ARHGEF7: variants seen among roughly 807,000 people sequenced by gnomAD.
The protein encoded by ARHGEF7 is PAK-interacting exchange factor beta.
ARHGEF7 carries 33 observed loss-of-function variants against 109.8 expected under a neutral mutation model. That is an observed-to-expected ratio of 0.30 (90% CI 0.23 to 0.40). The LOEUF is 0.40. Among genes scored for constraint, ARHGEF7 ranks in the 10% least tolerant of loss-of-function variants. ARHGEF7 has a pLI of 1.00. For missense variants in ARHGEF7, 938 were observed against 1,098.5 expected (o/e 0.85, Z 2.07); for synonymous variants, 458 against 424.6 (o/e 1.08, Z -0.97).
chr13:111,292,179 A>T lies in ARHGEF7; in HGVS notation c.2196A>T (p.Leu732=), dbSNP rs1389070750. ...HVLADDDQPS[L]DSLGRRSSLS... is the part of the protein sequence containing the mutation. ...TGGCTGATGATGACCAACCAAGCCT[A>T]GACTCCCTGGGGCGTCGCAGTAGCC... Residue 732 remains leucine (L), a synonymous_variant, in exon 19 of 22, where the codon CTA becomes CTT. Coordinates refer to ENST00000646102, the MANE Select transcript of ARHGEF7 (RefSeq NM_001354046.2). 2 of 1,613,876 alleles carry T rather than the reference A, an allele frequency of 1.2e-6. No individual in the cohort carries two copies. Among genetic ancestry groups the T allele is most frequent in the African/African-American group, 2.7e-5 (2 of 75,030 alleles).
intron 2 of ARHGEF7, among the ~76,000 whole-genome samples, chr13:111,203,732 A>G (rs963256750): frequency 1.2e-4 from 18 of 152,180 alleles, no homozygotes; most frequent in South Asian, 4.1e-4. Flanking sequence ...ATGTTTAAAC[A>G]TCTCATGACT....
In ARHGEF7 at chr13:111,239,226, A is replaced by C. The variant is rs961760017; in HGVS notation, c.760-4646A>C. Among the ~76,000 whole-genome samples the C allele has an allele frequency of 6.6e-6, 1 of 152,236 alleles. No individual in the cohort carries two copies. Among genetic ancestry groups the C allele is most frequent in the African/African-American group, 2.4e-5 (1 of 41,468 alleles). On this transcript the variant is annotated intron_variant, in intron 6 of 21. Coordinates refer to ENST00000646102, the MANE Select transcript of ARHGEF7 (RefSeq NM_001354046.2). This position sits in a 1 kb window ranked among gnomAD's most constrained non-coding sequence, Gnocchi z 4.3. ...TCAGGGTGAGATTTGGGTGGGCCATAGAGCCAAACCATATCACTTTCCCTG... is the reference window on the plus strand; with the variant it reads ...TCAGGGTGAGATTTGGGTGGGCCATCGAGCCAAACCATATCACTTTCCCTG...
At chr13:111,221,844 A>G (rs1189509744) in intron 5 of ARHGEF7, among the ~76,000 whole-genome samples, 2 of 151,882 alleles carry the variant, frequency 1.3e-5, no homozygotes, top group South Asian at 4.1e-4. Context: ...GTATATGTGT[A>G]TATGTATACA....
At chr13:111,229,073 T>C (rs145657011) in intron 5 of ARHGEF7, among the ~76,000 whole-genome samples, 14 of 151,972 alleles carry the variant, frequency 9.2e-5, no homozygotes, top group Admixed American at 9.2e-4. Flanking sequence ...GGGAGGGCAT[T>C]GCACCTGGCT....
intron 3 of ARHGEF7, among the ~76,000 whole-genome samples, chr13:111,206,973 A>G (rs1378429003): frequency 7.1e-6 from 1 of 141,172 alleles, no homozygotes; most frequent in East Asian, 2.0e-4. Context: ...AAAAAAAAAA[A>G]AAGAAAAAGA....
rs775390445 is a variant in ARHGEF7, at chr13:111,282,679, C to T, written c.1726-460C>T. 4.2e-5 allele frequency: 7 copies of T among 167,742 alleles called. No homozygotes were observed. In the East Asian group the frequency reaches 5.4e-4, roughly 13 times the overall value. 10.4% of individuals were successfully genotyped at this position (167,742 alleles called of 1,614,324 possible). ...AACTTTTTTAAAAAACAAAACTAGGCGATCAGGCCTTAGTTTCGCCCAGTA... is the reference window on the plus strand; with the variant it reads ...AACTTTTTTAAAAAACAAAACTAGGTGATCAGGCCTTAGTTTCGCCCAGTA... On this transcript the variant is annotated intron_variant, in intron 15 of 21. Transcript: ENST00000646102.
At chr13:111,215,267 T>C (rs933932000) in intron 4 of ARHGEF7, among the ~76,000 whole-genome samples, 10 of 152,170 alleles carry the variant, frequency 6.6e-5, no homozygotes, top group African/African-American at 2.4e-4. Context: ...TTTGGTGTCC[T>C]GCGGGGCTGA....
chr13:111,257,323 C>T (rs2090548975), intron 8 of ARHGEF7, among the ~76,000 whole-genome samples: 1 of 152,186 alleles, frequency 6.6e-6, no homozygotes, highest in Non-Finnish European at 1.5e-5. Context: ...TGGTAAATGC[C>T]TTTCAATGTA....
chr13:111,177,665 G>A (rs1362332854), intron 2 of ARHGEF7, among the ~76,000 whole-genome samples: 1 of 152,208 alleles, frequency 6.6e-6, no homozygotes, highest in African/African-American at 2.4e-5. Context: ...CCTTGGGACT[G>A]TCACTGGGAA....
chr13:111,156,781 G>A (rs1335399786), intron 2 of ARHGEF7, among the ~76,000 whole-genome samples: 3 of 152,240 alleles, frequency 2.0e-5, no homozygotes, highest in Admixed American at 6.5e-5. Flanking sequence ...ATTCTGAAAG[G>A]TGGGAAATTG....
Position 111,217,783 on chromosome 13 carries a change from T to C in ARHGEF7, c.573T>C (p.His191=). 1 of 1,614,208 alleles carries C rather than the reference T, an allele frequency of 6.2e-7. No individual in the cohort carries two copies. ...CCTTCTCAAAAGGAGACGTCATCCA[T>C]GTCACCCGTGTGGAAGAGGGAGGCT... ...ELSFSKGDVI[H]VTRVEEGGWW... is the part of the protein sequence containing the mutation. The change falls in exon 5 of 22, where the codon CAT becomes CAC. Residue 191 remains histidine (H), a synonymous_variant. Coordinates refer to ENST00000646102, the MANE Select transcript of ARHGEF7 (RefSeq NM_001354046.2).
At chr13:111,288,277 T>C in intron 17 of ARHGEF7, 77 bp from the exon 18 acceptor site, 2 of 813,566 alleles carry the variant, frequency 2.5e-6, no homozygotes, top group Non-Finnish European at 3.9e-6. Flanking sequence ...CGAGTTGATG[T>C]CTGCATTGCA....
At chr13:111,175,471 G>T (rs1044603807) in intron 2 of ARHGEF7, among the ~76,000 whole-genome samples, 2 of 152,154 alleles carry the variant, frequency 1.3e-5, no homozygotes, top group African/African-American at 4.8e-5. Flanking sequence ...GTGGGGAAGG[G>T]CACCCAGGCA....
At chr13:111,230,438 GA>G (rs1462710086) in intron 5 of ARHGEF7, among the ~76,000 whole-genome samples, 1 of 152,190 alleles carries the variant, frequency 6.6e-6, no homozygotes, top group African/African-American at 2.4e-5. Context: ...GAAGCTACTA[GA>G]AGGCTTCCTA....
intron 18 of ARHGEF7, 44 bp downstream of exon 18, chr13:111,288,487 G>T: frequency 6.7e-7 from 1 of 1,498,510 alleles, no homozygotes; most frequent in Non-Finnish European, 9.2e-7. Flanking sequence ...GGTTTATTCT[G>T]TTTAGTTTCA....
intron 19 of ARHGEF7, chr13:111,294,466 A>G (rs1217602774): frequency 1.0e-6 from 1 of 985,304 alleles, no homozygotes; most frequent in African/African-American, 1.7e-5. Context: ...TATTCTATAC[A>G]CCAAAGTTTT....
At chr13:111,243,190 A>G (rs1379073638) in intron 6 of ARHGEF7, among the ~76,000 whole-genome samples, 2 of 151,984 alleles carry the variant, frequency 1.3e-5, no homozygotes, top group African/African-American at 4.8e-5. Context: ...GTTCCCAGAA[A>G]TTGATTTCAA....
intron 2 of ARHGEF7, among the ~76,000 whole-genome samples, chr13:111,188,989 T>TTAAA (rs1373396405): frequency 6.6e-6 from 1 of 152,244 alleles, no homozygotes; most frequent in Non-Finnish European, 1.5e-5. Context: ...CAAAGGTTTA[T>TTAAA]TATGTCAGTT....
chr13:111,198,416 A>T (rs968654042), intron 2 of ARHGEF7, among the ~76,000 whole-genome samples: 5 of 152,086 alleles, frequency 3.3e-5, no homozygotes, highest in African/African-American at 1.2e-4. Flanking sequence ...TGAGTGTTAC[A>T]GTTCTTAAAG....
Sources: gnomAD v4.1 joint callset for allele counts (sites outside exome capture counted in the v4.1 genomes callset) on GRCh38, gnomAD v4.1.1 for gene constraint, Gnocchi (gnomAD v3.1) non-coding constraint, MANE v1.5 for transcripts, NCBI Gene and HGNC (gene_info 2026-07-23, HGNC 2026-07-21) for gene names.